NSMCE2: variants seen among roughly 807,000 people sequenced by gnomAD.
The protein encoded by NSMCE2 is E3 SUMO-protein ligase NSE2.
Under a neutral mutation model 23.8 loss-of-function variants are expected in NSMCE2, and 24 were observed. The ratio of observed to expected loss-of-function variants is 1.01; its 90% CI spans 0.73 to 1.42. The LOEUF (loss-of-function observed/expected upper bound fraction) is 1.42. Ranked by LOEUF, NSMCE2 falls within the 40% of genes most tolerant of loss-of-function variation. The pLI, the probability that NSMCE2 is intolerant of heterozygous loss-of-function variation, is 0.00. For missense variants in NSMCE2, 284 were observed against 296.5 expected, an observed-to-expected ratio of 0.96 and a Z score of 0.31; for synonymous variants, 92 against 94.1, an observed-to-expected ratio of 0.98 and a Z score of 0.13.
At chr8:125,267,613 T>C (rs1250495479) in intron 5 of NSMCE2, among the ~76,000 whole-genome samples, 1 of 152,038 alleles carries the variant, frequency 6.6e-6, no homozygotes. Flanking sequence ...TAGGGAGGCC[T>C]GTCTACAAAA....
chr8:125,207,397 C>T (rs984601644), intron 5 of NSMCE2, among the ~76,000 whole-genome samples: 3 of 152,082 alleles, frequency 2.0e-5, no homozygotes, highest in African/African-American at 7.2e-5. Flanking sequence ...AAAATCAGTT[C>T]ATCCCAAAGC....
intron 5 of NSMCE2, among the ~76,000 whole-genome samples, chr8:125,221,305 A>G (rs2130916704): frequency 6.6e-6 from 1 of 152,316 alleles, no homozygotes; most frequent in East Asian, 1.9e-4. Context: ...AAGTGCAGTG[A>G]CGCAATCATG....
chr8:125,115,997 C>A (rs190271438), intron 3 of NSMCE2, among the ~76,000 whole-genome samples: 1 of 152,258 alleles, frequency 6.6e-6, no homozygotes, highest in East Asian at 1.9e-4. Flanking sequence ...AGGCACACAC[C>A]CAAGTTGCAA....
chr8:125,192,548 T>C (rs184247565), intron 5 of NSMCE2, among the ~76,000 whole-genome samples: 1 of 152,300 alleles, frequency 6.6e-6, no homozygotes, highest in East Asian at 1.9e-4. Context: ...AAACTGCGTA[T>C]AGAAATTCAG....
chr8:125,095,795 T>C (rs1419994323), intron 1 of NSMCE2, among the ~76,000 whole-genome samples: 2 of 147,364 alleles, frequency 1.4e-5, no homozygotes, highest in African/African-American at 2.5e-5. Context: ...GGCAAGAGAA[T>C]TGCATGAACC....
At chr8:125,283,035 G>A (rs761180924) in intron 5 of NSMCE2, among the ~76,000 whole-genome samples, 1 of 152,198 alleles carries the variant, frequency 6.6e-6, no homozygotes, top group Non-Finnish European at 1.5e-5. Flanking sequence ...ACAGCTGTGT[G>A]ACCTTGGGTA....
At position 125,359,625 on chromosome 8, in the gene NSMCE2, G is replaced by A. The variant is rs137956390; in HGVS notation, c.626+1807G>A. Among the ~76,000 whole-genome samples the A allele has an allele frequency of 2.5e-4, 38 of 152,194 alleles. No homozygotes were observed. The East Asian group carries it at 6.8e-3, about 27-fold the overall frequency. The stretch of plus-strand genomic sequence containing the variant: ...TGGGATTACAGGCATGAGCCATCGC[G>A]CCCAGCCATGGCATGCTTTCATTAG... On this transcript the variant is annotated intron_variant, in intron 7 of 7. Coordinates refer to ENST00000287437, the MANE Select transcript of NSMCE2 (RefSeq NM_173685.4).
intron 5 of NSMCE2, among the ~76,000 whole-genome samples, chr8:125,209,230 G>T (rs1418587542): frequency 6.6e-6 from 1 of 152,078 alleles, no homozygotes; most frequent in Non-Finnish European, 1.5e-5. Context: ...GCCATGTATT[G>T]ATTGAAAAAA....
intron 1 of NSMCE2, among the ~76,000 whole-genome samples, chr8:125,095,974 A>G (rs1563646497): frequency 6.6e-6 from 1 of 152,010 alleles, no homozygotes; most frequent in Non-Finnish European, 1.5e-5. Flanking sequence ...AATACTTAGT[A>G]CTGTAACAGG....
rs1011013749 is a variant in NSMCE2 at position 125,117,441 on chromosome 8, A to G, written c.157+14954A>G. On this transcript the variant is annotated intron_variant, in intron 3 of 7. Transcript: ENST00000287437. ...CAAGTAAGTGTTCCTCCTTCCTAAG[A>G]TACCATAATTTGCCATGTCTCGATA... Among the ~76,000 whole-genome samples the G allele has an allele frequency of 9.9e-5, 15 of 152,150 alleles. 1 individual carries two copies. The highest frequency in any genetic ancestry group is 3.4e-4 in the African/African-American group (14 of 41,446).
At chr8:125,215,226 G>A (rs889128848) in intron 5 of NSMCE2, among the ~76,000 whole-genome samples, 1 of 135,670 alleles carries the variant, frequency 7.4e-6, no homozygotes, top group Non-Finnish European at 1.5e-5. Context: ...AGAGTGTGAT[G>A]TTCCCCTTCC....
chr8:125,261,855 G>C (rs951294316), intron 5 of NSMCE2, among the ~76,000 whole-genome samples: 4 of 151,942 alleles, frequency 2.6e-5, no homozygotes, highest in Non-Finnish European at 5.9e-5. Flanking sequence ...CCAGCACTTT[G>C]GGAGGCCAGC....
At chr8:125,152,421 C>A (rs932377549) in intron 4 of NSMCE2, among the ~76,000 whole-genome samples, 1 of 152,154 alleles carries the variant, frequency 6.6e-6, no homozygotes, top group African/African-American at 2.4e-5. Flanking sequence ...TGGAGCAGGA[C>A]TGGGACACTA....
intron 7 of NSMCE2, 105 bp downstream of exon 7, chr8:125,357,923 C>T: frequency 1.3e-6 from 1 of 746,330 alleles, no homozygotes; most frequent in South Asian, 1.6e-5. Flanking sequence ...CTTCTAAATT[C>T]CGTTCACCTC....
intron 5 of NSMCE2, among the ~76,000 whole-genome samples, chr8:125,206,779 G>A (rs1487240470): frequency 6.6e-6 from 1 of 152,146 alleles, no homozygotes; most frequent in Non-Finnish European, 1.5e-5. Flanking sequence ...CAAGTGGTTG[G>A]CAGTGAAAAC....
intron 5 of NSMCE2, among the ~76,000 whole-genome samples, chr8:125,341,656 G>A (rs1830250993): frequency 6.6e-6 from 1 of 152,038 alleles, no homozygotes; most frequent in Non-Finnish European, 1.5e-5. Context: ...AGAAGAAAGT[G>A]ATAGCCTACA....
chr8:125,205,708 A>G (rs978968894), intron 5 of NSMCE2, among the ~76,000 whole-genome samples: 20 of 152,166 alleles, frequency 1.3e-4, no homozygotes, highest in Admixed American at 1.2e-3. Flanking sequence ...CCTCGGCTGG[A>G]GGCTGGAGAT....
chr8:125,104,927 G>A (rs1043895086), intron 3 of NSMCE2, among the ~76,000 whole-genome samples: 4 of 152,212 alleles, frequency 2.6e-5, no homozygotes, highest in Non-Finnish European at 5.9e-5. Context: ...GGAGGCTGAG[G>A]CAGGAGAATT....
intron 5 of NSMCE2, among the ~76,000 whole-genome samples, chr8:125,200,080 A>G (rs1354239148): frequency 1.3e-5 from 2 of 152,112 alleles, no homozygotes; most frequent in Non-Finnish European, 2.9e-5. Flanking sequence ...TGCACATGAG[A>G]TGGGTCTCCT....
Sources: allele counts gnomAD v4.1 joint callset (sites outside exome capture counted in the v4.1 genomes callset), GRCh38; gene constraint gnomAD v4.1.1; transcripts MANE v1.5; gene names NCBI Gene and HGNC (gene_info 2026-07-23, HGNC 2026-07-21).